The following LRRC72 variants were observed in gnomAD, a reference collection of about 807,000 sequenced individuals.
The protein encoded by LRRC72 is leucine-rich repeat-containing protein 72.
Under a neutral mutation model 35.8 loss-of-function variants are expected in LRRC72, and 41 were observed. That is an observed-to-expected ratio of 1.15 (90% confidence interval 0.89 to 1.49). The LOEUF is 1.49. LRRC72 is among the 40% of genes most tolerant of loss of function. The pLI is 0.00. For synonymous variants in LRRC72, 118 were observed against 119.2 expected, an observed-to-expected ratio of 0.99 and a Z score of 0.07; for missense variants, 389 against 330.7, an observed-to-expected ratio of 1.18 and a Z score of -1.37.
At chr7:16,569,407 C>T (rs1782904768) in intron 7 of LRRC72, among the ~76,000 whole-genome samples, 1 of 151,924 alleles carries the variant, frequency 6.6e-6, no homozygotes, top group East Asian at 1.9e-4. Flanking sequence ...AAGAGCGAAA[C>T]TCCATCTTAA....
chr7:16,534,600 G>A (rs984363301), intron 2 of LRRC72, among the ~76,000 whole-genome samples: 4 of 151,898 alleles, frequency 2.6e-5, no homozygotes, highest in Non-Finnish European at 4.4e-5. Context: ...CAACTTTCGC[G>A]CCACTGCACT....
intron 1 of LRRC72, among the ~76,000 whole-genome samples, chr7:16,531,869 A>G (rs1424114559): frequency 2.0e-5 from 3 of 152,210 alleles, no homozygotes; most frequent in African/African-American, 7.2e-5. Flanking sequence ...CTGCTTCTCC[A>G]CCAAAAATTC....
At chr7:16,555,576 C>A (rs1192846354) in intron 3 of LRRC72, among the ~76,000 whole-genome samples, 1 of 152,140 alleles carries the variant, frequency 6.6e-6, no homozygotes, top group African/African-American at 2.4e-5. Flanking sequence ...AGTTCAAGAC[C>A]AGCGTGGCCA....
rs1217240889 is a variant in LRRC72, at chr7:16,552,085, G to T, written c.235-5275G>T. On this transcript the variant is annotated intron_variant, in intron 3 of 8. Coordinates refer to ENST00000401542, the MANE Select transcript of LRRC72 (RefSeq NM_001195280.2). ...ATGTGGGGAAAAGCCCCACACATTT[G>T]GTCAAAAAAAGTCTTCTGTGTTGTG... is the stretch of plus-strand genomic sequence containing the variant. Among the ~76,000 whole-genome samples the T allele has an allele frequency of 2.6e-5, 4 of 152,170 alleles. No individual in the cohort carries two copies. The East Asian group carries it at 7.7e-4, about 29-fold the overall frequency.
intron 1 of LRRC72, chr7:16,530,126 A>C (rs956696157): frequency 6.6e-6 from 1 of 152,168 alleles, no homozygotes; most frequent in South Asian, 2.1e-4. Context: ...CGGGAGAAAC[A>C]AAACAATAGG....
chr7:16,542,886 A>G (rs1205391365), intron 3 of LRRC72, among the ~76,000 whole-genome samples: 1 of 152,126 alleles, frequency 6.6e-6, no homozygotes, highest in Non-Finnish European at 1.5e-5. Context: ...TTCCTTTCAC[A>G]TTTCTAAAAT....
At chr7:16,535,914 C>T (rs1782246710) in intron 2 of LRRC72, among the ~76,000 whole-genome samples, 1 of 152,256 alleles carries the variant, frequency 6.6e-6, no homozygotes, top group African/African-American at 2.4e-5. Context: ...CTCTTGTCAC[C>T]CAGGCTGGAG....
At chr7:16,545,807 A>G (rs569324530) in intron 3 of LRRC72, among the ~76,000 whole-genome samples, 59 of 152,156 alleles carry the variant, frequency 3.9e-4, no homozygotes, top group Non-Finnish European at 8.1e-4. Flanking sequence ...ATTTGAAGAT[A>G]TGTACAATAC....
At chr7:16,543,983 A>T (rs778350281) in intron 3 of LRRC72, among the ~76,000 whole-genome samples, 3 of 152,212 alleles carry the variant, frequency 2.0e-5, no homozygotes, top group Non-Finnish European at 2.9e-5. Flanking sequence ...AGCCAAAAGC[A>T]TCCTATTTGG....
chr7:16,527,166 G>A lies in LRRC72; in HGVS notation c.90+124G>A, dbSNP rs959973286. ...AGGGGAATTTCAGTAGCCTGAAGAC[G>A]GAGATAGGTCAGATTTCAAATTAAT... On this transcript the variant is annotated intron_variant, in intron 1 of 8. Transcript: ENST00000401542. 52 of 705,308 alleles carry A rather than the reference G, an allele frequency of 7.4e-5. No homozygotes were observed. The South Asian group carries it at 7.8e-4, about 11-fold the overall frequency. The allele number at this position is 705,308 out of a possible 1,614,324, so 43.7% of individuals were successfully genotyped here.
At chr7:16,532,705 T>C (rs1782189919) in intron 2 of LRRC72, 137 bp downstream of exon 2, 1 of 739,190 alleles carries the variant, frequency 1.4e-6, no homozygotes, top group South Asian at 1.5e-5. Flanking sequence ...TACCACTTCC[T>C]GGAATCCACA....
At chr7:16,544,853 C>G (rs1478512335) in intron 3 of LRRC72, among the ~76,000 whole-genome samples, 2 of 152,210 alleles carry the variant, frequency 1.3e-5, no homozygotes, top group Non-Finnish European at 2.9e-5. Flanking sequence ...AAAATGGAAT[C>G]TGGGTTTCTG....
chr7:16,542,032 T>A (rs1782366904), intron 3 of LRRC72, among the ~76,000 whole-genome samples: 1 of 152,192 alleles, frequency 6.6e-6, no homozygotes, highest in African/African-American at 2.4e-5. Flanking sequence ...TCATCAGGCA[T>A]GGCAAAAGTG....
chr7:16,578,141 G>C (rs796950835), intron 7 of LRRC72, among the ~76,000 whole-genome samples: 4 of 152,218 alleles, frequency 2.6e-5, no homozygotes, highest in African/African-American at 9.6e-5. Flanking sequence ...TCATTCATAG[G>C]AGAATGTTAA....
At chr7:16,542,545 G>A (rs1271723585) in intron 3 of LRRC72, among the ~76,000 whole-genome samples, 1 of 152,106 alleles carries the variant, frequency 6.6e-6, no homozygotes, top group African/African-American at 2.4e-5. Flanking sequence ...AGGAGACATC[G>A]ATCAATTTTC....
intron 3 of LRRC72, among the ~76,000 whole-genome samples, chr7:16,548,772 C>G (rs1277123799): frequency 6.6e-6 from 1 of 152,218 alleles, no homozygotes. Flanking sequence ...CAGGCCAGAG[C>G]AAAACTCAGG....
intron 2 of LRRC72, among the ~76,000 whole-genome samples, chr7:16,533,321 T>C (rs1334876431): frequency 6.6e-6 from 1 of 151,958 alleles, no homozygotes; most frequent in Non-Finnish European, 1.5e-5. Flanking sequence ...ACAAATTGGG[T>C]TTTTCTATAG....
chr7:16,530,004 A>G (rs1359432379), intron 1 of LRRC72, among the ~76,000 whole-genome samples: 1 of 152,178 alleles, frequency 6.6e-6, no homozygotes, highest in African/African-American at 2.4e-5. Flanking sequence ...TATAAATATG[A>G]CTTTTAACAG....
At chr7:16,574,976 A>G (rs373688262) in intron 7 of LRRC72, among the ~76,000 whole-genome samples, 3 of 152,064 alleles carry the variant, frequency 2.0e-5, no homozygotes, top group African/African-American at 7.2e-5. Flanking sequence ...TTAGCCAGGC[A>G]TGATGGCGGG....
Sources: gnomAD v4.1 joint callset for allele counts (sites outside exome capture counted in the v4.1 genomes callset) on GRCh38, gnomAD v4.1.1 for gene constraint, MANE v1.5 for transcripts, NCBI Gene and HGNC (gene_info 2026-07-23, HGNC 2026-07-21) for gene names.